Variants in RNF111 observed in about 807,000 individuals in gnomAD.
The protein encoded by RNF111 is E3 ubiquitin-protein ligase Arkadia.
RNF111 carries 17 observed loss-of-function variants against 95.1 expected under a neutral mutation model. The observed-to-expected ratio is 0.18, with a 90% CI of 0.12 to 0.27. RNF111 has a LOEUF of 0.27. RNF111 is among the 10% of genes least tolerant of loss of function. RNF111 has a pLI of 1.00. For missense variants in RNF111, 1,189 were observed against 1,210.4 expected, an observed-to-expected ratio of 0.98 and a Z score of 0.26; for synonymous variants, 440 against 414.8, an observed-to-expected ratio of 1.06 and a Z score of -0.74.
intron 10 of RNF111, among the ~76,000 whole-genome samples, chr15:59,089,107 C>T (rs1342622675): frequency 2.0e-5 from 3 of 152,084 alleles, no homozygotes; most frequent in South Asian, 2.1e-4. Flanking sequence ...GTCATATCCA[C>T]GAATGACTCT....
intron 7 of RNF111, among the ~76,000 whole-genome samples, chr15:59,077,859 G>T (rs1442650745): frequency 6.6e-6 from 1 of 152,176 alleles, no homozygotes; most frequent in Non-Finnish European, 1.5e-5. Context: ...ATTATTTTCT[G>T]TTAGAGACAT....
At chr15:59,015,624 TA>T (rs775599053) in intron 1 of RNF111, among the ~76,000 whole-genome samples, 414 of 135,830 alleles carry the variant, frequency 3.0e-3, no homozygotes, top group Middle Eastern at 7.4e-3. Context: ...TCTCCCCTAC[TA>T]AAAAAAAAAA....
At chr15:59,028,393 T>C (rs1432906068) in intron 1 of RNF111, among the ~76,000 whole-genome samples, 2 of 152,084 alleles carry the variant, frequency 1.3e-5, no homozygotes, top group South Asian at 4.2e-4. Flanking sequence ...TTTTTTTTCA[T>C]ATACCTACAT....
intron 1 of RNF111, among the ~76,000 whole-genome samples, chr15:58,992,467 G>C (rs767243279): frequency 1.3e-5 from 2 of 152,122 alleles, no homozygotes; most frequent in African/African-American, 4.8e-5. Flanking sequence ...GGGTACATGG[G>C]TATTAATAAT....
intron 6 of RNF111, among the ~76,000 whole-genome samples, chr15:59,072,718 C>G (rs1228561427): frequency 6.6e-6 from 1 of 151,972 alleles, no homozygotes; most frequent in Non-Finnish European, 1.5e-5. Flanking sequence ...TCCCAAAGTG[C>G]TGGGATTACA....
At chr15:59,046,984 C>T (rs1023442355) in intron 2 of RNF111, among the ~76,000 whole-genome samples, 15 of 152,088 alleles carry the variant, frequency 9.9e-5, no homozygotes, top group Admixed American at 5.2e-4. Flanking sequence ...CCTACCACCT[C>T]AGCCTCCGGA....
At chr15:59,041,030 A>T (rs1342447779) in intron 2 of RNF111, among the ~76,000 whole-genome samples, 1 of 152,008 alleles carries the variant, frequency 6.6e-6, no homozygotes, top group African/African-American at 2.4e-5. Flanking sequence ...CCCTTCTCTT[A>T]CTCAAAAGTG....
chr15:59,065,262 C>A (rs1294591663), intron 5 of RNF111, among the ~76,000 whole-genome samples: 4 of 152,122 alleles, frequency 2.6e-5, no homozygotes, highest in African/African-American at 7.2e-5. Context: ...TTAAAAATCT[C>A]TTTTATATAG....
intron 2 of RNF111, among the ~76,000 whole-genome samples, chr15:59,034,557 T>C (rs2041077738): frequency 6.6e-6 from 1 of 152,206 alleles, no homozygotes; most frequent in East Asian, 1.9e-4. Flanking sequence ...AGATGAAGCA[T>C]TTGGAAAATC....
intron 2 of RNF111, among the ~76,000 whole-genome samples, chr15:59,048,406 A>G (rs891822294): frequency 1.3e-5 from 2 of 152,238 alleles, no homozygotes; most frequent in Non-Finnish European, 2.9e-5. Context: ...CCAATTCATA[A>G]TGACAGAGAG....
At chr15:59,058,279 C>A in intron 4 of RNF111, 77 bp from the exon 5 acceptor site, 2 of 1,148,458 alleles carry the variant, frequency 1.7e-6, no homozygotes, top group East Asian at 2.4e-5. Flanking sequence ...TAATTATAAA[C>A]ACATTAGCTT....
chr15:59,014,436 A>C (rs1420865574), intron 1 of RNF111, among the ~76,000 whole-genome samples: 1 of 152,250 alleles, frequency 6.6e-6, no homozygotes, highest in African/African-American at 2.4e-5. Flanking sequence ...TTGGAGGAAT[A>C]GTGAAGGGTA....
chr15:59,049,202 C>G (rs145869490), intron 2 of RNF111, among the ~76,000 whole-genome samples: 81 of 152,302 alleles, frequency 5.3e-4, no homozygotes, highest in African/African-American at 1.8e-3. Flanking sequence ...CGCTCTGACC[C>G]TGGTTACCAC....
At chr15:59,090,273 A>G (rs1034964468) in intron 11 of RNF111, among the ~76,000 whole-genome samples, 6 of 152,116 alleles carry the variant, frequency 3.9e-5, no homozygotes, top group Admixed American at 6.5e-5. Context: ...TCTGTCACCC[A>G]GACTGGAGTG....
At chr15:59,028,120 A>G (rs1384694314) in intron 1 of RNF111, among the ~76,000 whole-genome samples, 2 of 152,124 alleles carry the variant, frequency 1.3e-5, no homozygotes, top group Admixed American at 1.3e-4. Flanking sequence ...GCCTGGCCAG[A>G]AACTCCATGC....
At chr15:58,995,845 C>A (rs1449201639) in intron 1 of RNF111, among the ~76,000 whole-genome samples, 1 of 139,102 alleles carries the variant, frequency 7.2e-6, no homozygotes, top group African/African-American at 2.7e-5. Flanking sequence ...TTATTTCTTT[C>A]CTTTGTCAGT....
At chr15:59,017,726 C>G (rs1274156064) in intron 1 of RNF111, among the ~76,000 whole-genome samples, 1 of 148,404 alleles carries the variant, frequency 6.7e-6, no homozygotes, top group Admixed American at 6.7e-5. Flanking sequence ...GTTTGTCTTC[C>G]AGGTTTGTTA....
intron 2 of RNF111, among the ~76,000 whole-genome samples, chr15:59,031,988 G>T (rs1385066574): frequency 6.6e-6 from 1 of 151,938 alleles, no homozygotes; most frequent in Non-Finnish European, 1.5e-5. Context: ...ACCCAGGCTG[G>T]AGTGCAGTGG....
At chr15:59,002,454 A>G (rs1376143471) in intron 1 of RNF111, among the ~76,000 whole-genome samples, 1 of 152,182 alleles carries the variant, frequency 6.6e-6, no homozygotes, top group Non-Finnish European at 1.5e-5. Context: ...TGCATGGTAA[A>G]TACGGGAAGT....
Sources: allele counts gnomAD v4.1 joint callset (sites outside exome capture counted in the v4.1 genomes callset), GRCh38; gene constraint gnomAD v4.1.1; transcripts MANE v1.5; gene names NCBI Gene and HGNC (gene_info 2026-07-23, HGNC 2026-07-21).